The following KIF13B variants were observed in gnomAD, a reference collection of about 807,000 sequenced individuals.
The protein encoded by KIF13B is kinesin family member 13B, also known as kinesin-like protein KIF13B.
Under a neutral mutation model 222.0 loss-of-function variants are expected in KIF13B, and 127 were observed. That is an observed-to-expected ratio of 0.57 (90% confidence interval 0.50 to 0.66). The LOEUF (loss-of-function observed/expected upper bound fraction) is 0.66. Ranked by LOEUF, KIF13B falls within the 30% of genes least tolerant of loss-of-function variation. The pLI is 0.00. For missense variants in KIF13B, 2,173 were observed against 2,379.0 expected, an observed-to-expected ratio of 0.91 and a Z score of 1.80; for synonymous variants, 976 against 919.0, an observed-to-expected ratio of 1.06 and a Z score of -1.12.
intron 32 of KIF13B, among the ~76,000 whole-genome samples, chr8:29,110,331 C>CA (rs1171107233): frequency 6.6e-6 from 1 of 152,148 alleles, no homozygotes; most frequent in Non-Finnish European, 1.5e-5. Context: ...ATTCCCACTA[C>CA]AAAAAACCCA....
intron 2 of KIF13B, among the ~76,000 whole-genome samples, chr8:29,231,543 A>C (rs1340583783): frequency 6.6e-6 from 1 of 152,186 alleles, no homozygotes; most frequent in Non-Finnish European, 1.5e-5. Context: ...GTAACACTGG[A>C]TGAGAATGAA....
intron 2 of KIF13B, among the ~76,000 whole-genome samples, chr8:29,202,955 T>C (rs898455038): frequency 1.3e-5 from 2 of 152,044 alleles, no homozygotes. Context: ...CAGATCACAC[T>C]TTATCTCCCT....
At chr8:29,228,472 A>AAAAAAAAAAAAAATAT in intron 2 of KIF13B, among the ~76,000 whole-genome samples, 2 of 117,074 alleles carry the variant, frequency 1.7e-5, no homozygotes, top group Admixed American at 8.9e-5. Flanking sequence ...ATCTTAAAAA[A>AAAAAAAAAAAAAATAT]ATATATATAT....
chr8:29,124,485 C>T (rs971067313), intron 26 of KIF13B, among the ~76,000 whole-genome samples: 1 of 152,054 alleles, frequency 6.6e-6, no homozygotes, highest in Non-Finnish European at 1.5e-5. Context: ...TGGTGGCTCA[C>T]ACTTGTAATC....
chr8:29,088,878 A>T (rs999420243), intron 37 of KIF13B, among the ~76,000 whole-genome samples: 1 of 152,252 alleles, frequency 6.6e-6, no homozygotes, highest in Non-Finnish European at 1.5e-5. Flanking sequence ...ATCATCTATA[A>T]TTCTAATTTA....
At chr8:29,228,893 C>G (rs1394264880) in intron 2 of KIF13B, among the ~76,000 whole-genome samples, 1 of 152,014 alleles carries the variant, frequency 6.6e-6, no homozygotes, top group Non-Finnish European at 1.5e-5. Flanking sequence ...CGGCTTAGAT[C>G]AGTTCATAAC....
intron 7 of KIF13B, among the ~76,000 whole-genome samples, chr8:29,180,711 G>A (rs919743009): frequency 2.6e-5 from 4 of 151,900 alleles, no homozygotes; most frequent in African/African-American, 9.7e-5. Context: ...TTAAAAATGA[G>A]AACCTCAAGA....
rs1208913332 is a variant in KIF13B at position 29,128,604 on chromosome 8, T to C, written c.3076-1336A>G. Among the ~76,000 whole-genome samples the C allele has an allele frequency of 1.3e-4, 20 of 152,340 alleles. No individual in the cohort carries two copies. In the South Asian group the frequency reaches 3.9e-3, roughly 30 times the overall value. Reference sequence around the variant, plus strand: ...TTATTTGCTTAGTTTGCCTAAGCACTTTCCGAAGTGATCTATTGTGAATCT... The same window carrying C: ...TTATTTGCTTAGTTTGCCTAAGCACCTTCCGAAGTGATCTATTGTGAATCT... On this transcript the variant is annotated intron_variant, in intron 24 of 39. Transcript: ENST00000524189.
intron 21 of KIF13B, among the ~76,000 whole-genome samples, chr8:29,138,071 C>T (rs929134859): frequency 2.1e-4 from 32 of 152,128 alleles, no homozygotes; most frequent in African/African-American, 6.3e-4. Context: ...AAAATTAGTC[C>T]GGATATGGTG....
chr8:29,089,417 C>T lies in KIF13B; in HGVS notation c.4458+3328G>A, dbSNP rs141346039. ...TCGCACCACTGCACTCCAGACTGGG[C>T]GACATACCAAGACCCTGTCTCTAAA... On this transcript the variant is annotated intron_variant, in intron 37 of 39. Transcript: ENST00000524189. 3.6e-3 allele frequency among the ~76,000 whole-genome samples: 545 copies of T among 152,176 alleles called. 6 individuals carry two copies. Among genetic ancestry groups the T allele is most frequent in the African/African-American group, 0.012 (509 of 41,522 alleles).
At chr8:29,105,955 TAACAGAAGAAA>T (rs1272812542) in intron 35 of KIF13B, among the ~76,000 whole-genome samples, 1 of 152,124 alleles carries the variant, frequency 6.6e-6, no homozygotes, top group Non-Finnish European at 1.5e-5. Flanking sequence ...AGAGTTTTCT[TAACAGAAGAAA>T]AACAGAAGAA....
chr8:29,239,937 A>ACAGG (rs981828342), intron 2 of KIF13B, among the ~76,000 whole-genome samples: 3 of 151,918 alleles, frequency 2.0e-5, no homozygotes, highest in African/African-American at 7.3e-5. Context: ...TGCTGGGATT[A>ACAGG]CAGGCATGAG....
chr8:29,144,892 G>A (rs1037448390), intron 18 of KIF13B, among the ~76,000 whole-genome samples: 2 of 152,218 alleles, frequency 1.3e-5, no homozygotes, highest in African/African-American at 4.8e-5. Context: ...TCTTCCAGGC[G>A]TTGACATGGC....
chr8:29,129,569 CT>C (rs1412099237), intron 24 of KIF13B, among the ~76,000 whole-genome samples: 3 of 151,926 alleles, frequency 2.0e-5, no homozygotes. Context: ...TAGAGCGATT[CT>C]AGTATTTTAC....
intron 32 of KIF13B, among the ~76,000 whole-genome samples, chr8:29,112,372 G>A (rs1489738607): frequency 6.8e-6 from 1 of 146,596 alleles, no homozygotes; most frequent in African/African-American, 2.5e-5. Context: ...GTCGGAGGTT[G>A]CAGTGAGCCA....
chr8:29,130,733 A>G, intron 23 of KIF13B, 68 bp from the exon 24 acceptor site: 2 of 1,426,622 alleles, frequency 1.4e-6, no homozygotes, highest in East Asian at 2.3e-5. Flanking sequence ...TTAGGGTCCT[A>G]CACACATAAG....
chr8:29,170,242 G>C (rs1406317075), intron 10 of KIF13B, among the ~76,000 whole-genome samples: 1 of 152,182 alleles, frequency 6.6e-6, no homozygotes, highest in Non-Finnish European at 1.5e-5. Context: ...TTGGAAGTCA[G>C]AATTTTTAAA....
intron 14 of KIF13B, among the ~76,000 whole-genome samples, chr8:29,155,230 C>G (rs1586852525): frequency 6.6e-6 from 1 of 152,258 alleles, no homozygotes; most frequent in South Asian, 2.1e-4. Context: ...AGCCCACAGG[C>G]AGACACTAAG....
Position 29,148,836 on chromosome 8 carries a change from C to A in KIF13B, c.1623-69G>T, listed in dbSNP as rs1025878662. 2.3e-6 allele frequency: 3 copies of A among 1,317,342 alleles called. No individual in the cohort carries two copies. The Admixed American group carries it at 6.5e-5, about 29-fold the overall frequency. 81.6% of individuals were successfully genotyped at this position (1,317,342 alleles called of 1,614,324 possible). A position where few individuals can be genotyped will look rare whatever the true frequency, so the allele number is the denominator to read the frequency against. ...ACTTATTCATGTCATTCATTAAGTA[C>A]TGGTATCTGTTAGAAGCCAAGTGGA... On this transcript the variant is annotated intron_variant, in intron 15 of 39. Coordinates refer to ENST00000524189, the MANE Select transcript of KIF13B (RefSeq NM_015254.4).
Sources: gnomAD v4.1 joint callset for allele counts (sites outside exome capture counted in the v4.1 genomes callset) on GRCh38, gnomAD v4.1.1 for gene constraint, MANE v1.5 for transcripts, NCBI Gene and HGNC (gene_info 2026-07-23, HGNC 2026-07-21) for gene names.